The following ZNF469 variants were observed in gnomAD, a reference collection of about 807,000 sequenced individuals.
The protein encoded by ZNF469 is zinc finger protein 469.
A neutral mutation model predicts 1.0 loss-of-function variants in ZNF469; 1 was observed. That is an observed-to-expected ratio of 1.00 (90% CI 0.35 to 4.73). ZNF469 has a LOEUF of 4.73. ZNF469 is among the 30% of genes most tolerant of loss of function. ZNF469 has a pLI of 0.16. For synonymous variants in ZNF469, 2,703 were observed against 2,363.4 expected, an observed-to-expected ratio of 1.14 and a Z score of -4.17; for missense variants, 6,100 against 5,356.3, an observed-to-expected ratio of 1.14 and a Z score of -4.33.
chr16:88,169,804 C>T, the ZNF469 span, among the ~76,000 whole-genome samples: 9 of 152,188 alleles, frequency 5.9e-5, no homozygotes, highest in African/African-American at 1.2e-4. The surrounding 1 kb of genome is among the most constrained non-coding windows in gnomAD (Gnocchi z 6.1). Context: ...GGCCATGCCA[C>T]GCTCCCACCA....
the ZNF469 span, among the ~76,000 whole-genome samples, chr16:88,185,819 G>A: frequency 6.3e-5 from 9 of 142,890 alleles, no homozygotes; most frequent in South Asian, 2.2e-4. Context: ...ACGCATACAC[G>A]TGCCCAGACC....
intron 1 of ZNF469, among the ~76,000 whole-genome samples, chr16:88,414,107 C>T (rs1905245534): frequency 6.6e-6 from 1 of 152,222 alleles, no homozygotes; most frequent in Non-Finnish European, 1.5e-5. Context: ...GCCCTCAGGG[C>T]TGGCTGCCTG....
the ZNF469 span, among the ~76,000 whole-genome samples, chr16:88,206,240 A>G: frequency 6.6e-6 from 1 of 152,204 alleles, no homozygotes; most frequent in African/African-American, 2.4e-5. Flanking sequence ...CCAGGACTTC[A>G]CTTGCCGTGG....
rs544193449 is a variant in ZNF469, at chr16:88,400,265, C to T, written c.-192+17011C>T. 7.9e-5 allele frequency among the ~76,000 whole-genome samples: 12 copies of T among 152,322 alleles called. No homozygotes were observed. In the South Asian group the frequency reaches 2.5e-3, roughly 32 times the overall value. On this transcript the variant is annotated intron_variant, in intron 1 of 2. Coordinates refer to ENST00000565624, the MANE Select transcript of ZNF469 (RefSeq NM_001367624.2). ...CTCACACGGGACCCTTTCTGCCCTCCTTGGAGCCTCAGTGTCCTGTGGCCC... is the reference window on the plus strand; with the variant it reads ...CTCACACGGGACCCTTTCTGCCCTCTTTGGAGCCTCAGTGTCCTGTGGCCC...
chr16:88,199,964 A>G, the ZNF469 span, among the ~76,000 whole-genome samples: 1 of 152,214 alleles, frequency 6.6e-6, no homozygotes, highest in South Asian at 2.1e-4. Flanking sequence ...AGGACCCCGC[A>G]GCAAGGGCCC....
chr16:88,161,399 A>G, the ZNF469 span, among the ~76,000 whole-genome samples: 1 of 152,202 alleles, frequency 6.6e-6, no homozygotes, highest in Admixed American at 6.5e-5. Context: ...ATCAGAATCT[A>G]TTCCCAACAC....
the ZNF469 span, among the ~76,000 whole-genome samples, chr16:88,292,935 A>T: frequency 6.6e-6 from 1 of 152,180 alleles, no homozygotes; most frequent in South Asian, 2.1e-4. Context: ...CGATCCTGAC[A>T]GTTTCCACCT....
At chr16:88,223,382 G>A in the ZNF469 span, among the ~76,000 whole-genome samples, 10 of 152,290 alleles carry the variant, frequency 6.6e-5, no homozygotes, top group African/African-American at 2.4e-4. Flanking sequence ...ATGGAACTGT[G>A]AGTCCATTAA....
the ZNF469 span, among the ~76,000 whole-genome samples, chr16:88,184,997 G>T: frequency 1.3e-5 from 2 of 151,536 alleles, no homozygotes; most frequent in Non-Finnish European, 2.9e-5. Flanking sequence ...ACTCACACCC[G>T]TGGGCACACC....
chr16:88,226,424 G>A, the ZNF469 span, among the ~76,000 whole-genome samples: 6 of 152,072 alleles, frequency 3.9e-5, no homozygotes, highest in Admixed American at 2.6e-4. Flanking sequence ...CCCCAGGATC[G>A]TCAGGGCCTC....
rs898385117 is a variant in ZNF469, at chr16:88,430,547, G to C, written c.3077G>C (p.Arg1026Pro). Reference protein sequence around the residue: ...AALPEETRSSRRRRLPPRKDP... With the variant: ...AALPEETRSSPRRRLPPRKDP... Reference sequence around the variant, plus strand: ...CTCCCCGAGGAGACCCGCAGCTCCCGGCGCCGCCGGCTGCCCCCCAGGAAG... The same window carrying C: ...CTCCCCGAGGAGACCCGCAGCTCCCCGCGCCGCCGGCTGCCCCCCAGGAAG... Residue 1026 changes from arginine (R) to proline (P), a missense_variant, in exon 3 of 3, where the codon CGG becomes CCG. Arg to Pro is a moderately radical substitution (Grantham distance 103). Coordinates refer to ENST00000565624, the MANE Select transcript of ZNF469 (RefSeq NM_001367624.2). 1.4e-6 allele frequency: 2 copies of C among 1,469,058 alleles called. No homozygotes were observed. Among genetic ancestry groups the C allele is most frequent in the Non-Finnish European group, 8.9e-7 (1 of 1,117,516 alleles). 91.0% of individuals were successfully genotyped at this position (1,469,058 alleles called of 1,614,324 possible).
At chr16:88,341,270 T>C in the ZNF469 span, among the ~76,000 whole-genome samples, 1 of 152,180 alleles carries the variant, frequency 6.6e-6, no homozygotes, top group Non-Finnish European at 1.5e-5. Context: ...TGGGGGCCTG[T>C]ACAGGGCCAG....
At chr16:88,161,545 C>T in the ZNF469 span, among the ~76,000 whole-genome samples, 3 of 152,174 alleles carry the variant, frequency 2.0e-5, no homozygotes, top group South Asian at 4.1e-4. Context: ...CACCACTCAG[C>T]GTTTAGAGAA....
chr16:88,267,772 C>T, the ZNF469 span, among the ~76,000 whole-genome samples: 5 of 151,124 alleles, frequency 3.3e-5, no homozygotes, highest in East Asian at 7.7e-4. Flanking sequence ...TCAGCAGGGA[C>T]ACCGTGGCTG....
chr16:88,130,020 T>C, the ZNF469 span, among the ~76,000 whole-genome samples: 2 of 151,878 alleles, frequency 1.3e-5, no homozygotes, highest in Admixed American at 1.3e-4. Context: ...TGGCAGAAGT[T>C]TCTGTAGTTT....
At chr16:88,177,608 C>G in the ZNF469 span, 15 of 152,252 alleles carry the variant, frequency 9.9e-5, no homozygotes, top group Non-Finnish European at 1.8e-4. This position sits in a 1 kb window ranked among gnomAD's most constrained non-coding sequence, Gnocchi z 4.8. Context: ...GCTCCCCGGC[C>G]AAGACCAGGC....
At chr16:88,379,853 C>T (rs1162291677), upstream of ZNF469, among the ~76,000 whole-genome samples, 1 of 152,162 alleles carries the variant, frequency 6.6e-6, no homozygotes, top group African/African-American at 2.4e-5. Context: ...AGGGAAGAGG[C>T]AGTCCCACCT....
the ZNF469 span, among the ~76,000 whole-genome samples, chr16:88,200,142 G>T: frequency 6.6e-6 from 1 of 152,252 alleles, no homozygotes; most frequent in Non-Finnish European, 1.5e-5. Context: ...GAACACGGCA[G>T]TGGGGTGTGT....
At chr16:88,111,083 G>A in the ZNF469 span, among the ~76,000 whole-genome samples, 1 of 152,210 alleles carries the variant, frequency 6.6e-6, no homozygotes, top group African/African-American at 2.4e-5. Flanking sequence ...CTGGGCCGGT[G>A]CGACTTCCCA....
Sources: allele counts gnomAD v4.1 joint callset (sites outside exome capture counted in the v4.1 genomes callset), GRCh38; gene constraint gnomAD v4.1.1; non-coding constraint Gnocchi (gnomAD v3.1); transcripts MANE v1.5; gene names NCBI Gene and HGNC (gene_info 2026-07-23, HGNC 2026-07-21).